FAT3: variants seen among roughly 807,000 people sequenced by gnomAD.
FAT3 encodes the protein FAT atypical cadherin 3.
FAT3 carries 95 observed loss-of-function variants against 310.2 expected under a neutral mutation model. That is an observed-to-expected ratio of 0.31 (90% CI 0.26 to 0.36). The LOEUF is 0.36. Among genes scored for constraint, FAT3 ranks in the 10% least tolerant of loss-of-function variants. FAT3 has a pLI of 1.00. For missense variants in FAT3, 5,408 were observed against 5,715.6 expected (o/e 0.95, Z 1.74); for synonymous variants, 2,314 against 2,192.9 (o/e 1.06, Z -1.54).
Position 92,355,052 on chromosome 11 carries a change from T to C in FAT3, c.2940T>C (p.Asn980=), listed in dbSNP as rs1298610925. The change falls in exon 2 of 28, where the codon AAT becomes AAC. Residue 980 remains asparagine, a synonymous_variant. Transcript: ENST00000525166. ...GCTATTCTTTGGTCAATGACTATAATGGGAGATTTGAAATAGATAAAGCAA... is the reference window on the plus strand; with the variant it reads ...GCTATTCTTTGGTCAATGACTATAACGGGAGATTTGAAATAGATAAAGCAA... The part of the protein sequence containing the change: ...QVRYSLVNDY[N]GRFEIDKASG... The C allele has an allele frequency of 1.9e-6, 3 of 1,613,628 alleles. No homozygotes were observed. The highest frequency in any genetic ancestry group is 2.5e-6 in the Non-Finnish European group (3 of 1,179,852).
intron 2 of FAT3, among the ~76,000 whole-genome samples, chr11:92,356,165 G>A (rs199815724): frequency 1.2e-4 from 18 of 152,046 alleles, no homozygotes; most frequent in East Asian, 5.8e-4. Context: ...TGTTATTGTC[G>A]CTATTTGTCT....
chr11:92,801,638 C>G lies in FAT3; in HGVS notation c.8625C>G (p.Ile2875Met), dbSNP rs1947357198. The G allele has an allele frequency of 6.2e-7, 1 of 1,613,810 alleles. No individual in the cohort carries two copies. Among genetic ancestry groups the G allele is most frequent in the Non-Finnish European group, 8.5e-7 (1 of 1,179,834 alleles). Residue 2875 changes from isoleucine (I) to methionine (M), a missense_variant, in exon 10 of 28, where the codon ATC (isoleucine) becomes ATG (methionine). Coordinates refer to ENST00000525166, the MANE Select transcript of FAT3 (RefSeq NM_001367949.2). ...ATATTGACAGCAACACGGGCTGGAT[C>G]AGTACCTTGAAGGACCTAGATCACG... ...AFNIDSNTGW[I>M]STLKDLDHET...
At chr11:92,859,354 C>T in intron 21 of FAT3, 32 bp downstream of exon 21, 1 of 1,537,384 alleles carries the variant, frequency 6.5e-7, no homozygotes, top group Non-Finnish European at 8.8e-7. Context: ...TTTCTGCAGT[C>T]AGTTCTCATG....
chr11:92,617,354 T>C (rs1404205108), intron 3 of FAT3, among the ~76,000 whole-genome samples: 1 of 152,218 alleles, frequency 6.6e-6, no homozygotes, highest in African/African-American at 2.4e-5. Context: ...TTCTGTACGC[T>C]GTTTATTCTA....
At chr11:92,495,347 C>T (rs753511146) in intron 2 of FAT3, among the ~76,000 whole-genome samples, 32 of 152,058 alleles carry the variant, frequency 2.1e-4, no homozygotes, top group Non-Finnish European at 3.5e-4. Context: ...CTGCCCAGCG[C>T]GCATCTCCCA....
intron 4 of FAT3, among the ~76,000 whole-genome samples, chr11:92,760,825 T>G (rs1205354372): frequency 1.3e-5 from 2 of 152,224 alleles, no homozygotes; most frequent in Non-Finnish European, 2.9e-5. Context: ...ATGCAAAGTC[T>G]ATATATTCTG....
intron 3 of FAT3, among the ~76,000 whole-genome samples, chr11:92,680,005 C>G (rs1302968573): frequency 2.0e-5 from 3 of 151,302 alleles, no homozygotes; most frequent in Non-Finnish European, 4.4e-5. Flanking sequence ...AATATTTGTC[C>G]CTTGTTTGAT....
At chr11:92,703,494 C>A (rs1191313847) in intron 4 of FAT3, among the ~76,000 whole-genome samples, 1 of 152,288 alleles carries the variant, frequency 6.6e-6, no homozygotes, top group Admixed American at 6.5e-5. Context: ...ATAAAAATAG[C>A]AGCATGGAGC....
chr11:92,665,781 A>T (rs1565497282), intron 3 of FAT3, among the ~76,000 whole-genome samples: 3 of 152,142 alleles, frequency 2.0e-5, no homozygotes, highest in Non-Finnish European at 4.4e-5. Context: ...TGTTCATATT[A>T]TCATGTAGCC....
intron 2 of FAT3, among the ~76,000 whole-genome samples, chr11:92,459,316 T>C (rs1455804702): frequency 2.6e-5 from 4 of 152,154 alleles, no homozygotes; most frequent in Non-Finnish European, 5.9e-5. Flanking sequence ...GGAGTTCCAG[T>C]TGGCCATTGG....
At chr11:92,392,213 T>C (rs554029070) in intron 2 of FAT3, among the ~76,000 whole-genome samples, 1 of 152,304 alleles carries the variant, frequency 6.6e-6, no homozygotes, top group East Asian at 1.9e-4. Flanking sequence ...TTTTCCAGAA[T>C]GTTCCATACA....
chr11:92,365,761 G>A (rs1211114469), intron 2 of FAT3, among the ~76,000 whole-genome samples: 5 of 152,180 alleles, frequency 3.3e-5, no homozygotes, highest in African/African-American at 9.7e-5. Context: ...AGGTGGGGGA[G>A]AGATTCTAAA....
At chr11:92,308,502 G>T (rs951068168) in intron 1 of FAT3, among the ~76,000 whole-genome samples, 5 of 152,136 alleles carry the variant, frequency 3.3e-5, no homozygotes, top group African/African-American at 1.2e-4. Context: ...TTTTAAGGAA[G>T]ACTTACTATG....
chr11:92,482,149 A>G (rs1336331498), intron 2 of FAT3, among the ~76,000 whole-genome samples: 1 of 152,172 alleles, frequency 6.6e-6, no homozygotes. Flanking sequence ...TCATTTTAAT[A>G]TAGTAAGAAT....
At chr11:92,673,261 C>G (rs1010625561) in intron 3 of FAT3, among the ~76,000 whole-genome samples, 2 of 152,140 alleles carry the variant, frequency 1.3e-5, no homozygotes, top group Admixed American at 6.6e-5. Flanking sequence ...AAACTACAAA[C>G]ATTTTTCTAA....
At chr11:92,420,945 G>A (rs558502713) in intron 2 of FAT3, among the ~76,000 whole-genome samples, 1 of 152,018 alleles carries the variant, frequency 6.6e-6, no homozygotes, top group Non-Finnish European at 1.5e-5. Context: ...TCTATGAATG[G>A]TATTTTTAGC....
chr11:92,258,337 G>A (rs1865394975), intron 1 of FAT3, among the ~76,000 whole-genome samples: 1 of 152,088 alleles, frequency 6.6e-6, no homozygotes, highest in Non-Finnish European at 1.5e-5. Flanking sequence ...AGAAACTAAA[G>A]CACTAGGTAT....
At chr11:92,571,105 T>C (rs1457527043) in intron 3 of FAT3, among the ~76,000 whole-genome samples, 1 of 152,172 alleles carries the variant, frequency 6.6e-6, no homozygotes, top group Non-Finnish European at 1.5e-5. Context: ...TTAGTCTTTT[T>C]CTAAAACTCT....
intron 10 of FAT3, among the ~76,000 whole-genome samples, chr11:92,802,478 A>G (rs1947388741): frequency 6.6e-6 from 1 of 152,192 alleles, no homozygotes; most frequent in Admixed American, 6.5e-5. Context: ...TCTGTCTTTC[A>G]GAATAGCAAG....
Sources: gnomAD v4.1 joint callset for allele counts (sites outside exome capture counted in the v4.1 genomes callset) on GRCh38, gnomAD v4.1.1 for gene constraint, MANE v1.5 for transcripts, NCBI Gene and HGNC (gene_info 2026-07-23, HGNC 2026-07-21) for gene names.